The following ADAMTSL3 variants were observed in gnomAD, a reference collection of about 807,000 sequenced individuals.
ADAMTSL3 encodes ADAMTS-like protein 3.
ADAMTSL3 carries 128 observed loss-of-function variants against 201.7 expected under a neutral mutation model. The ratio of observed to expected loss-of-function variants is 0.63; its 90% CI spans 0.55 to 0.73. ADAMTSL3 has a LOEUF of 0.73. Among genes scored for constraint, ADAMTSL3 ranks in the 30% least tolerant of loss-of-function variants. The pLI, the probability that ADAMTSL3 is intolerant of heterozygous loss-of-function variation, is 0.00. For missense variants in ADAMTSL3, 1,990 were observed against 2,119.6 expected (o/e 0.94, Z 1.20); for synonymous variants, 738 against 748.4 (o/e 0.99, Z 0.23).
intron 4 of ADAMTSL3, among the ~76,000 whole-genome samples, chr15:83,801,970 A>G (rs146304862): frequency 2.1e-3 from 326 of 152,090 alleles, no homozygotes; most frequent in Non-Finnish European, 3.3e-3. Flanking sequence ...CAAAAGTACT[A>G]TAAGCTTTCA....
Position 83,988,788 on chromosome 15 carries a change from G to T in ADAMTSL3, c.3814G>T (p.Asp1272Tyr). Residue 1272 changes from aspartate (D) to tyrosine (Y), a missense_variant, in exon 22 of 30, where the codon GAT becomes TAT. Transcript: ENST00000286744. ...ECSVANHLGS[D>Y]VESSSVLYAE... ...TTCTGTAGCTAATCATCTTGGTTCA[G>T]ATGTGGAAAGTTCTTCTGTGCTGTA... 6.2e-7 allele frequency: 1 copy of T among 1,604,358 alleles called. No homozygotes were observed. The highest frequency in any genetic ancestry group is 8.5e-7 in the Non-Finnish European group (1 of 1,174,306).
chr15:83,816,006 C>T (rs189259929), intron 5 of ADAMTSL3, among the ~76,000 whole-genome samples: 2 of 152,206 alleles, frequency 1.3e-5, no homozygotes, highest in African/African-American at 2.4e-5. Flanking sequence ...TAGATTAGCT[C>T]AGGACAAAGG....
chr15:83,967,028 A>G (rs2067102361), intron 19 of ADAMTSL3, among the ~76,000 whole-genome samples: 1 of 152,226 alleles, frequency 6.6e-6, no homozygotes, highest in Non-Finnish European at 1.5e-5. Context: ...GATGAAATGT[A>G]TCTCAAAATA....
rs181542689 is a variant in ADAMTSL3, at chr15:84,026,633, T to G, written c.4656+1197T>G. The stretch of plus-strand genomic sequence containing the variant: ...AATGAAATTGAATTGAGTCCAGAGA[T>G]AAACCCATATATATATATCTCAATT... On this transcript the variant is annotated intron_variant, in intron 27 of 29. Transcript: ENST00000286744. Among the ~76,000 whole-genome samples, 4 of 152,272 alleles carry G rather than the reference T, an allele frequency of 2.6e-5. No homozygotes were observed. The East Asian group carries it at 7.7e-4, about 29-fold the overall frequency.
intron 16 of ADAMTSL3, among the ~76,000 whole-genome samples, chr15:83,915,011 C>T (rs544886651): frequency 6.6e-6 from 1 of 152,188 alleles, no homozygotes; most frequent in South Asian, 2.1e-4. Flanking sequence ...CAAAGATGGT[C>T]CCCTATTCAG....
intron 7 of ADAMTSL3, among the ~76,000 whole-genome samples, chr15:83,855,754 G>A (rs1201651041): frequency 6.6e-6 from 1 of 152,202 alleles, no homozygotes; most frequent in African/African-American, 2.4e-5. Flanking sequence ...TTTTAAAAAT[G>A]TTGGTTCTGA....
intron 3 of ADAMTSL3, among the ~76,000 whole-genome samples, chr15:83,760,825 C>G (rs1166245876): frequency 6.6e-6 from 1 of 151,918 alleles, no homozygotes; most frequent in Non-Finnish European, 1.5e-5. Context: ...GTATTTTTTT[C>G]AATCTTTTAT....
chr15:83,816,170 A>T (rs886768695), intron 5 of ADAMTSL3, among the ~76,000 whole-genome samples: 10 of 152,228 alleles, frequency 6.6e-5, no homozygotes, highest in African/African-American at 2.2e-4. Context: ...TTCTTACCGA[A>T]TTCATTCTTC....
At chr15:83,894,578 G>T (rs1211744069) in intron 13 of ADAMTSL3, among the ~76,000 whole-genome samples, 2 of 152,048 alleles carry the variant, frequency 1.3e-5, no homozygotes, top group Non-Finnish European at 2.9e-5. Flanking sequence ...CAATTTGGAT[G>T]TTGAGCATAT....
chr15:83,817,596 G>A (rs1027005313), intron 5 of ADAMTSL3, among the ~76,000 whole-genome samples: 1 of 152,130 alleles, frequency 6.6e-6, no homozygotes, highest in African/African-American at 2.4e-5. Context: ...CAACAGAAAT[G>A]ACAAAGAGTT....
intron 7 of ADAMTSL3, among the ~76,000 whole-genome samples, chr15:83,849,763 G>A (rs187052774): frequency 1.4e-4 from 22 of 152,250 alleles, no homozygotes; most frequent in Non-Finnish European, 2.4e-4. Context: ...TTGTATCAGT[G>A]CAAGTAGAAT....
chr15:83,673,526 G>C (rs957722666), intron 2 of ADAMTSL3, among the ~76,000 whole-genome samples: 1 of 152,108 alleles, frequency 6.6e-6, no homozygotes, highest in African/African-American at 2.4e-5. Flanking sequence ...GCCCTTCCCA[G>C]GACACAGAGT....
At chr15:83,796,393 TAGAA>T (rs1249405580) in intron 4 of ADAMTSL3, among the ~76,000 whole-genome samples, 1 of 152,102 alleles carries the variant, frequency 6.6e-6, no homozygotes, top group Non-Finnish European at 1.5e-5. Flanking sequence ...AAAAACTAAA[TAGAA>T]AGCAAAATTT....
At chr15:83,929,460 C>T (rs1436220247) in intron 17 of ADAMTSL3, among the ~76,000 whole-genome samples, 1 of 152,104 alleles carries the variant, frequency 6.6e-6, no homozygotes, top group East Asian at 1.9e-4. Flanking sequence ...CCACACTTCT[C>T]CTTTTCATAA....
At chr15:83,718,597 A>G (rs1422467227) in intron 3 of ADAMTSL3, among the ~76,000 whole-genome samples, 1 of 151,432 alleles carries the variant, frequency 6.6e-6, no homozygotes, top group Admixed American at 6.6e-5. Context: ...TCCCAGCTAC[A>G]CAAGAACTGC....
In ADAMTSL3 at chr15:83,823,879, CCTTCTTCTTCTTCCTCTTCTTCTTCTT is replaced by C. The variant is rs1368309281; in HGVS notation, c.600+3846_600+3872del. 9.8e-3 allele frequency among the ~76,000 whole-genome samples: 1,387 copies of C among 141,546 alleles called. 90 individuals carry two copies. Among genetic ancestry groups the C allele is most frequent in the Admixed American group, 0.039 (564 of 14,306 alleles). The allele number at this position is 141,546 out of a possible 152,430, so 92.9% of individuals were successfully genotyped here. On this transcript the variant is annotated intron_variant, in intron 6 of 29. Coordinates refer to ENST00000286744, the MANE Select transcript of ADAMTSL3 (RefSeq NM_207517.3). ...TGCCCTTTTAAAACAGACTCCATTT[CCTTCTTCTTCTTCCTCTTCTTCTTCTT>C]CTTCTTCTTCTTCTTCTTCTTCTTC...
intron 3 of ADAMTSL3, among the ~76,000 whole-genome samples, chr15:83,713,316 A>G (rs568812421): frequency 6.6e-6 from 1 of 152,182 alleles, no homozygotes; most frequent in Non-Finnish European, 1.5e-5. Flanking sequence ...CCCTTCTACT[A>G]AACATCTCTG....
chr15:83,978,702 G>C (rs1490393923), intron 20 of ADAMTSL3, among the ~76,000 whole-genome samples: 4 of 152,192 alleles, frequency 2.6e-5, no homozygotes, highest in African/African-American at 9.7e-5. Flanking sequence ...CATGAATTCC[G>C]ATCTCTGGCT....
intron 28 of ADAMTSL3, among the ~76,000 whole-genome samples, chr15:84,033,154 C>T (rs1324942996): frequency 6.6e-6 from 1 of 152,012 alleles, no homozygotes; most frequent in African/African-American, 2.4e-5. Context: ...CGTATCTCAC[C>T]TGGTATACTG....
Sources: gnomAD v4.1 joint callset for allele counts (sites outside exome capture counted in the v4.1 genomes callset) on GRCh38, gnomAD v4.1.1 for gene constraint, MANE v1.5 for transcripts, NCBI Gene and HGNC (gene_info 2026-07-23, HGNC 2026-07-21) for gene names.